The following RPL28 variants were observed in gnomAD, a reference collection of about 807,000 sequenced individuals.
RPL28 encodes ribosomal protein L28, also known as large ribosomal subunit protein eL28.
RPL28 carries 4 observed loss-of-function variants against 12.5 expected under a neutral mutation model. The observed-to-expected ratio is 0.32, with a 90% confidence interval of 0.16 to 0.73. The LOEUF is 0.73. RPL28 is among the 30% of genes least tolerant of loss of function. RPL28 has a pLI of 0.66. For synonymous variants in RPL28, 91 were observed against 72.5 expected (o/e 1.26, Z -1.30); for missense variants, 214 against 197.7 (o/e 1.08, Z -0.49).
At chr19:55,400,808 G>A (rs1444630892) in intron 4 of RPL28, 1 of 152,798 alleles carries the variant, frequency 6.5e-6, no homozygotes, top group Admixed American at 6.5e-5. Context: ...AAATACATGT[G>A]GGAACAGGCT....
At position 55,388,382 on chromosome 19, in the gene RPL28, G is replaced by T. The variant is rs192453603; in HGVS notation, c.*50G>T. ...GTCAGCTGGCTTTCTCACCTGCCTCGACTGGGCCTCCCTTTTTGAAACGCT... is the reference window on the plus strand; with the variant it reads ...GTCAGCTGGCTTTCTCACCTGCCTCTACTGGGCCTCCCTTTTTGAAACGCT... On this transcript the variant is annotated 3_prime_UTR_variant, in exon 5 of 5. Coordinates refer to ENST00000344063, the MANE Select transcript of RPL28 (RefSeq NM_000991.5). 2.1e-6 allele frequency: 3 copies of T among 1,432,624 alleles called. No individual in the cohort carries two copies. Among genetic ancestry groups the T allele is most frequent in the South Asian group, 1.5e-5 (1 of 65,684 alleles). 88.7% of individuals were successfully genotyped at this position (1,432,624 alleles called of 1,614,324 possible).
At position 55,389,222 on chromosome 19, in the gene RPL28, C is replaced by G; in HGVS notation, c.*890C>G. Reference sequence around the variant, plus strand: ...AAATTAGCTGGGTGTGGTGGTGCACCGCCTGTGGTCCCAGCTCCTCAGAGG... The same window carrying G: ...AAATTAGCTGGGTGTGGTGGTGCACGGCCTGTGGTCCCAGCTCCTCAGAGG... On this transcript the variant is annotated 3_prime_UTR_variant, in exon 5 of 5. Coordinates refer to ENST00000344063, the MANE Select transcript of RPL28 (RefSeq NM_000991.5). The G allele has an allele frequency of 1.1e-6, 1 of 929,844 alleles. No individual in the cohort carries two copies. The allele number at this position is 929,844 out of a possible 1,614,324, so 57.6% of individuals were successfully genotyped here.
chr19:55,394,855 C>T (rs899203716), downstream of RPL28, among the ~76,000 whole-genome samples: 1 of 152,100 alleles, frequency 6.6e-6, no homozygotes, highest in African/African-American at 2.4e-5. Context: ...CTGTGCCTGG[C>T]CCCACCCAGA....
In RPL28 at chr19:55,386,661, A is replaced by C; in HGVS notation, c.173A>C (p.Lys58Thr). Residue 58 changes from lysine to threonine, a missense_variant, in exon 3 of 5, where the codon AAA (lysine) becomes ACA (threonine). Transcript: ENST00000344063. ...GGCGTGGAGCCGGCAGCCGACGGCAAAGGTGTCGTGGTGGTCATTAAGCGG... is the reference window on the plus strand; with the variant it reads ...GGCGTGGAGCCGGCAGCCGACGGCACAGGTGTCGTGGTGGTCATTAAGCGG... The part of the protein sequence containing the change: ...TVGVEPAADG[K>T]GVVVVIKRRS... The C allele has an allele frequency of 6.2e-7, 1 of 1,614,132 alleles. No homozygotes were observed. Among genetic ancestry groups the C allele is most frequent in the East Asian group, 2.2e-5 (1 of 44,878 alleles).
Position 55,386,673 on chromosome 19 carries a change from T to G in RPL28, c.185T>G (p.Val62Gly). 1 of 1,614,052 alleles carries G rather than the reference T, an allele frequency of 6.2e-7. No homozygotes were observed. Among genetic ancestry groups the G allele is most frequent in the East Asian group, 2.2e-5 (1 of 44,880 alleles). The change falls in exon 3 of 5, where the codon GTG (valine) becomes GGG (glycine). Residue 62 changes from valine (V) to glycine (G), a missense_variant. Physicochemically the swap from Val to Gly is moderately radical, Grantham distance 109 (BLOSUM62 -3). Transcript: ENST00000344063. ...EPAADGKGVV[V>G]VIKRRSGQRK... is the part of the protein sequence containing the mutation. ...GCAGCCGACGGCAAAGGTGTCGTGG[T>G]GGTCATTAAGCGGAGATCCGGTGAG...
At chr19:55,401,765 G>C in intron 4 of RPL28, 1 of 1,613,090 alleles carries the variant, frequency 6.2e-7, no homozygotes, top group Non-Finnish European at 8.5e-7. Context: ...TTGATGGTCT[G>C]TGGGAAGAGG....
At position 55,390,006 on chromosome 19, in the gene RPL28, G is replaced by T; in HGVS notation, c.*1674G>T. 2.0e-6 allele frequency: 2 copies of T among 985,454 alleles called. No individual in the cohort carries two copies. Among genetic ancestry groups the T allele is most frequent in the South Asian group, 9.4e-5 (2 of 21,292 alleles). 61.0% of individuals were successfully genotyped at this position (985,454 alleles called of 1,614,324 possible). ...TCACGTTAGTAGATGGCCCCTTCTC[G>T]TGAGGCCTCTCCCCTGGCACCTGCT... is the stretch of plus-strand genomic sequence containing the variant. On this transcript the variant is annotated 3_prime_UTR_variant, in exon 5 of 5. Coordinates refer to ENST00000344063, the MANE Select transcript of RPL28 (RefSeq NM_000991.5).
intron 3 of RPL28, chr19:55,387,582 G>A: frequency 1.4e-6 from 2 of 1,405,900 alleles, no homozygotes; most frequent in African/African-American, 1.4e-5. Context: ...ATGGGCCTGG[G>A]GTTCCTGGGA....
chr19:55,388,617 C>T lies in RPL28; in HGVS notation c.*285C>T, dbSNP rs2089959602. 7 of 1,212,150 alleles carry T rather than the reference C, an allele frequency of 5.8e-6. No homozygotes were observed. The highest frequency in any genetic ancestry group is 1.6e-5 in the African/African-American group (1 of 64,076). 75.1% of individuals were successfully genotyped at this position (1,212,150 alleles called of 1,614,324 possible). A position where few individuals can be genotyped will look rare whatever the true frequency, so the allele number is the denominator to read the frequency against. The stretch of plus-strand genomic sequence containing the variant: ...ACCTACTGTCCCATTGTGAGGTGGC[C>T]TGAAGAATCCCAGCTGGGGCAGTGG... On this transcript the variant is annotated 3_prime_UTR_variant, in exon 5 of 5. Transcript: ENST00000344063.
Position 55,391,667 on chromosome 19 carries a change from T to C in RPL28, c.*3335T>C, listed in dbSNP as rs2089991308. On this transcript the variant is annotated 3_prime_UTR_variant, in exon 5 of 5. Coordinates refer to ENST00000344063, the MANE Select transcript of RPL28 (RefSeq NM_000991.5). ...CCCTCATCTGTAACATGCGTGTCGATAGACCCTACTACTCAGGGTTGATGA... is the reference window on the plus strand; with the variant it reads ...CCCTCATCTGTAACATGCGTGTCGACAGACCCTACTACTCAGGGTTGATGA... 1.9e-6 allele frequency: 3 copies of C among 1,546,198 alleles called. No individual in the cohort carries two copies. The highest frequency in any genetic ancestry group is 2.4e-5 in the East Asian group (1 of 40,846).
rs1438171140 is a variant in RPL28, at chr19:55,387,647, C to T, written c.206-283C>T. The T allele has an allele frequency of 2.9e-6, 4 of 1,389,938 alleles. No homozygotes were observed. The African/African-American group carries it at 5.8e-5, about 20-fold the overall frequency. 86.1% of individuals were successfully genotyped at this position (1,389,938 alleles called of 1,614,324 possible). Reference sequence around the variant, plus strand: ...GGCTCTGGCTGGACCTGGATCAGATCCTAACTGAAGCGGCAGCTTTCTGGC... The same window carrying T: ...GGCTCTGGCTGGACCTGGATCAGATTCTAACTGAAGCGGCAGCTTTCTGGC... On this transcript the variant is annotated intron_variant, in intron 3 of 4. Coordinates refer to ENST00000344063, the MANE Select transcript of RPL28 (RefSeq NM_000991.5).
intron 4 of RPL28, chr19:55,400,625 C>G (rs2090050275): frequency 6.6e-6 from 1 of 152,228 alleles, no homozygotes; most frequent in South Asian, 2.1e-4. Flanking sequence ...CTGAAATCAG[C>G]CAACAACCAT....
chr19:55,385,982 CT>C lies in RPL28; in HGVS notation c.-9+18del. On this transcript the variant is annotated intron_variant, in intron 1 of 4. Transcript: ENST00000344063. Reference sequence around the variant, plus strand: ...CGAAGGGAGGTGAGCGTTCGTCTTCCTCGCGTGGTCGCCATCTCCGGCCCGC... The same window carrying C: ...CGAAGGGAGGTGAGCGTTCGTCTTCCCGCGTGGTCGCCATCTCCGGCCCGC... The C allele has an allele frequency of 3.7e-6, 1 of 268,108 alleles. No individual in the cohort carries two copies. Among genetic ancestry groups the C allele is most frequent in the Non-Finnish European group, 7.5e-6 (1 of 132,710 alleles). The allele number at this position is 268,108 out of a possible 1,614,324, so 16.6% of individuals were successfully genotyped here.
chr19:55,387,595 C>G, intron 3 of RPL28: 1 of 1,400,780 alleles, frequency 7.1e-7, no homozygotes, highest in Non-Finnish European at 9.2e-7. Flanking sequence ...TCCTGGGAAG[C>G]TGTTCATACC....
chr19:55,387,216 A>C, intron 3 of RPL28: 4 of 1,452,036 alleles, frequency 2.8e-6, no homozygotes, highest in Non-Finnish European at 3.8e-6. Context: ...TGTTCGTGTG[A>C]GTCGGGGGTC....
chr19:55,389,222 C>T lies in RPL28; in HGVS notation c.*890C>T, dbSNP rs115415241. The T allele has an allele frequency of 1.7e-3, 1,582 of 929,836 alleles. 25 individuals are homozygous for T. In the African/African-American group the frequency reaches 0.026, roughly 16 times the overall value. 57.6% of individuals were successfully genotyped at this position (929,836 alleles called of 1,614,324 possible). On this transcript the variant is annotated 3_prime_UTR_variant, in exon 5 of 5. Coordinates refer to ENST00000344063, the MANE Select transcript of RPL28 (RefSeq NM_000991.5). The stretch of plus-strand genomic sequence containing the variant: ...AAATTAGCTGGGTGTGGTGGTGCAC[C>T]GCCTGTGGTCCCAGCTCCTCAGAGG...
downstream of RPL28, among the ~76,000 whole-genome samples, chr19:55,396,853 T>C (rs544754309): frequency 1.1e-3 from 160 of 151,832 alleles, no homozygotes; most frequent in South Asian, 2.5e-3. Context: ...GTGCTGGGAT[T>C]ACAGGTGTGA....
rs1035025552 is a variant in RPL28, at chr19:55,389,579, G to A, written c.*1247G>A. On this transcript the variant is annotated 3_prime_UTR_variant, in exon 5 of 5. Coordinates refer to ENST00000344063, the MANE Select transcript of RPL28 (RefSeq NM_000991.5). Reference sequence around the variant, plus strand: ...ACTGTCAGGGCCTCGACTTGCCATTGGTTGGGGTCGTACGGGGCTGGGAGC... The same window carrying A: ...ACTGTCAGGGCCTCGACTTGCCATTAGTTGGGGTCGTACGGGGCTGGGAGC... The A allele has an allele frequency of 1.0e-6, 1 of 985,374 alleles. No individual in the cohort carries two copies. The allele number at this position is 985,374 out of a possible 1,614,324, so 61.0% of individuals were successfully genotyped here. A position where few individuals can be genotyped will look rare whatever the true frequency, so the allele number is the denominator to read the frequency against.
intron 3 of RPL28, 44 bp from the exon 4 acceptor site, chr19:55,387,886 A>G: frequency 2.0e-6 from 3 of 1,518,642 alleles, no homozygotes; most frequent in Non-Finnish European, 2.6e-6. Context: ...CTAAAGGTGC[A>G]GGTTAGGTGG....
Sources: gnomAD v4.1 joint callset for allele counts (sites outside exome capture counted in the v4.1 genomes callset) on GRCh38, gnomAD v4.1.1 for gene constraint, MANE v1.5 for transcripts, NCBI Gene and HGNC (gene_info 2026-07-23, HGNC 2026-07-21) for gene names.